Variants in KAT6B observed in about 807,000 individuals in gnomAD.
The protein encoded by KAT6B is histone acetyltransferase KAT6B.
Under a neutral mutation model 187.5 loss-of-function variants are expected in KAT6B, and 10 were observed. The ratio of observed to expected loss-of-function variants is 0.05; its 90% CI spans 0.03 to 0.09. The LOEUF is 0.09. Ranked by LOEUF, KAT6B falls within the 10% of genes least tolerant of loss-of-function variation. The pLI is 1.00. For synonymous variants in KAT6B, 861 were observed against 926.8 expected (o/e 0.93, Z 1.29); for missense variants, 1,952 against 2,558.9 (o/e 0.76, Z 5.12).
chr10:74,840,149 A>G (rs1841630181), intron 2 of KAT6B, among the ~76,000 whole-genome samples: 1 of 152,220 alleles, frequency 6.6e-6, no homozygotes, highest in African/African-American at 2.4e-5. Flanking sequence ...CACCATGACC[A>G]CTTGTGTGGC....
chr10:74,830,760 A>ATATATATATATG (rs1840749165), intron 1 of KAT6B, among the ~76,000 whole-genome samples: 1 of 27,026 alleles, frequency 3.7e-5, no homozygotes, highest in Non-Finnish European at 5.6e-5. Flanking sequence ...ATATATATAT[A>ATATATATATATG]TATATATATT....
intron 3 of KAT6B, among the ~76,000 whole-genome samples, chr10:74,949,283 T>C (rs1840153705): frequency 6.6e-6 from 1 of 152,190 alleles, no homozygotes; most frequent in Non-Finnish European, 1.5e-5. Context: ...CTGCAGTTTC[T>C]AATGGCAGAA....
chr10:74,889,848 A>G lies in KAT6B; in HGVS notation c.621+46370A>G, dbSNP rs375459863. ...ATAGTGTGAGTGTCTCCCCATAAGT[A>G]AAAGCTGTGTTGTGAAGATGAACTC... On this transcript the variant is annotated intron_variant, in intron 3 of 17. Transcript: ENST00000287239. Among the ~76,000 whole-genome samples, 6 of 152,254 alleles carry G rather than the reference A, an allele frequency of 3.9e-5. No individual in the cohort carries two copies. The East Asian group carries it at 1.2e-3, about 29-fold the overall frequency.
At chr10:74,905,963 T>C (rs1215632797) in intron 3 of KAT6B, among the ~76,000 whole-genome samples, 1 of 152,182 alleles carries the variant, frequency 6.6e-6, no homozygotes, top group Non-Finnish European at 1.5e-5. Context: ...GTGTATATTT[T>C]CATTAAAGAG....
At position 75,031,277 on chromosome 10, in the gene KAT6B, T is replaced by C; in HGVS notation, c.*231T>C. On this transcript the variant is annotated 3_prime_UTR_variant, in exon 18 of 18. Transcript: ENST00000287239. Reference sequence around the variant, plus strand: ...GGTACCTTCATTTCTGTTACTTTTATATAAAATTCTCTGCAAAGGAAGGCC... The same window carrying C: ...GGTACCTTCATTTCTGTTACTTTTACATAAAATTCTCTGCAAAGGAAGGCC... 3 of 537,922 alleles carry C rather than the reference T, an allele frequency of 5.6e-6. No individual in the cohort carries two copies. In the South Asian group the frequency reaches 6.5e-5, roughly 12 times the overall value. The allele number at this position is 537,922 out of a possible 1,614,324, so 33.3% of individuals were successfully genotyped here.
chr10:74,873,169 A>C (rs1403654869), intron 3 of KAT6B, among the ~76,000 whole-genome samples: 2 of 152,116 alleles, frequency 1.3e-5, no homozygotes, highest in Non-Finnish European at 2.9e-5. Context: ...TTTCAAAATA[A>C]AACTTTTTTG....
chr10:74,881,323 G>A (rs1844835913), intron 3 of KAT6B, among the ~76,000 whole-genome samples: 1 of 152,160 alleles, frequency 6.6e-6, no homozygotes, highest in African/African-American at 2.4e-5. Context: ...AAGGATCAGA[G>A]TTGTCCCCAG....
chr10:74,944,672 A>T (rs1003979176), intron 3 of KAT6B, among the ~76,000 whole-genome samples: 1 of 151,996 alleles, frequency 6.6e-6, no homozygotes, highest in African/African-American at 2.4e-5. Flanking sequence ...AGCCGGGCGT[A>T]GTGGCAGGCG....
chr10:74,989,765 T>G (rs539722232), intron 13 of KAT6B, among the ~76,000 whole-genome samples: 43 of 149,756 alleles, frequency 2.9e-4, no homozygotes, highest in Non-Finnish European at 5.1e-4. Context: ...AAAATGGTAG[T>G]TTTTTTTTTC....
chr10:74,990,364 C>T (rs1460548986), intron 13 of KAT6B, among the ~76,000 whole-genome samples: 1 of 151,948 alleles, frequency 6.6e-6, no homozygotes, highest in African/African-American at 2.4e-5. Flanking sequence ...AATGTAAATG[C>T]GCTTACAGAA....
chr10:74,843,859 A>G (rs1037639288), intron 3 of KAT6B, among the ~76,000 whole-genome samples: 1 of 152,170 alleles, frequency 6.6e-6, no homozygotes, highest in African/African-American at 2.4e-5. Context: ...AGAAGAATCT[A>G]CAGACTTCTT....
intron 3 of KAT6B, among the ~76,000 whole-genome samples, chr10:74,873,915 T>C (rs1844203995): frequency 6.6e-6 from 1 of 152,068 alleles, no homozygotes; most frequent in African/African-American, 2.4e-5. Context: ...AGACAGAAAT[T>C]TTACTCTACC....
chr10:75,016,006 C>G (rs1267217539), intron 13 of KAT6B, among the ~76,000 whole-genome samples: 1 of 152,178 alleles, frequency 6.6e-6, no homozygotes, highest in Non-Finnish European at 1.5e-5. Flanking sequence ...TACTATGGTC[C>G]ATTTACACTC....
At chr10:74,854,741 C>T (rs1304356317) in intron 3 of KAT6B, among the ~76,000 whole-genome samples, 2 of 152,140 alleles carry the variant, frequency 1.3e-5, no homozygotes, top group African/African-American at 4.8e-5. Flanking sequence ...CTGTGATAAA[C>T]CAGCTGCAAT....
intron 3 of KAT6B, among the ~76,000 whole-genome samples, chr10:74,870,863 C>T (rs1268772766): frequency 6.6e-6 from 1 of 151,672 alleles, no homozygotes; most frequent in African/African-American, 2.4e-5. Flanking sequence ...AGATGTGAGC[C>T]ACCATGCCTG....
chr10:75,004,634 A>G (rs780946125), intron 13 of KAT6B, among the ~76,000 whole-genome samples: 1 of 152,200 alleles, frequency 6.6e-6, no homozygotes, highest in African/African-American at 2.4e-5. Flanking sequence ...GTGGCAGTGC[A>G]GAGGAGGAAA....
chr10:74,846,933 A>G (rs1319260653), intron 3 of KAT6B, among the ~76,000 whole-genome samples: 1 of 152,176 alleles, frequency 6.6e-6, no homozygotes, highest in Non-Finnish European at 1.5e-5. Flanking sequence ...TGTTTCAATA[A>G]TTTTGTGATC....
intron 3 of KAT6B, among the ~76,000 whole-genome samples, chr10:74,907,663 G>A (rs548456442): frequency 6.6e-6 from 1 of 152,098 alleles, no homozygotes; most frequent in Admixed American, 6.5e-5. Flanking sequence ...CCAAGTAGCT[G>A]GGATTACAAG....
At chr10:74,950,456 A>T (rs181021618) in intron 3 of KAT6B, among the ~76,000 whole-genome samples, 3 of 152,304 alleles carry the variant, frequency 2.0e-5, no homozygotes, top group Non-Finnish European at 4.4e-5. Flanking sequence ...GAAAAAAAAT[A>T]AGATGATTTA....
Sources: gnomAD v4.1 joint callset for allele counts (sites outside exome capture counted in the v4.1 genomes callset) on GRCh38, gnomAD v4.1.1 for gene constraint, MANE v1.5 for transcripts, NCBI Gene and HGNC (gene_info 2026-07-23, HGNC 2026-07-21) for gene names.